The following TOP6BL variants were observed in gnomAD, a reference collection of about 807,000 sequenced individuals.
The protein encoded by TOP6BL is TOP6B like initiator of meiotic double strand breaks.
the TOP6BL span, chr11:66,843,151 G>A: frequency 1.9e-6 from 3 of 1,610,482 alleles, no homozygotes; most frequent in Non-Finnish European, 2.5e-6. Context: ...CTCACCCCGG[G>A]CCCCCTTGTT....
the TOP6BL span, among the ~76,000 whole-genome samples, chr11:66,820,033 C>T: frequency 6.6e-6 from 1 of 151,902 alleles, no homozygotes. Context: ...GAGCCAAGAT[C>T]GTGTCACTGC....
chr11:66,824,685 G>A, the TOP6BL span, among the ~76,000 whole-genome samples: 1 of 145,834 alleles, frequency 6.9e-6, no homozygotes, highest in Non-Finnish European at 1.5e-5. Context: ...TTATGAGTGA[G>A]AACATGTGGT....
At chr11:66,754,751 G>C in the TOP6BL span, among the ~76,000 whole-genome samples, 1 of 152,108 alleles carries the variant, frequency 6.6e-6, no homozygotes. Flanking sequence ...TCAGCATTCA[G>C]GGGTTCTGTT....
the TOP6BL span, among the ~76,000 whole-genome samples, chr11:66,803,489 C>T: frequency 3.3e-5 from 5 of 152,108 alleles, no homozygotes; most frequent in Non-Finnish European, 5.9e-5. Flanking sequence ...AGTGCAGTGG[C>T]GCAATATCAG....
chr11:66,758,947 C>T, the TOP6BL span: 1 of 767,254 alleles, frequency 1.3e-6, no homozygotes, highest in Non-Finnish European at 2.0e-6. Context: ...TTTAAATGTT[C>T]TGTGTCTGTA....
chr11:66,835,113 G>T, the TOP6BL span, among the ~76,000 whole-genome samples: 1 of 152,072 alleles, frequency 6.6e-6, no homozygotes, highest in Non-Finnish European at 1.5e-5. Context: ...GTCTTATCTG[G>T]GGGACCAGGT....
chr11:66,799,207 CAAAAAA>C, the TOP6BL span, among the ~76,000 whole-genome samples: 8 of 41,892 alleles, frequency 1.9e-4, no homozygotes, highest in South Asian at 2.6e-3. Context: ...ACTCTGTCTC[CAAAAAA>C]AAAAAAAAAA....
chr11:66,816,043 T>C, the TOP6BL span: 1 of 1,587,456 alleles, frequency 6.3e-7, no homozygotes. Flanking sequence ...TGTAATATCT[T>C]GTCCTCTAGA....
the TOP6BL span, among the ~76,000 whole-genome samples, chr11:66,774,464 T>C: frequency 6.6e-6 from 1 of 152,138 alleles, no homozygotes; most frequent in Non-Finnish European, 1.5e-5. Context: ...TTGTTTTGTT[T>C]TGTGCTTTTG....
chr11:66,747,394 A>ATT, the TOP6BL span, among the ~76,000 whole-genome samples: 11 of 141,838 alleles, frequency 7.8e-5, no homozygotes, highest in African/African-American at 2.3e-4. Context: ...TTTTTATTTA[A>ATT]TTTTTTTTTT....
the TOP6BL span, among the ~76,000 whole-genome samples, chr11:66,777,161 A>T: frequency 6.6e-6 from 1 of 151,050 alleles, no homozygotes; most frequent in Non-Finnish European, 1.5e-5. Flanking sequence ...TAACATAAGC[A>T]TTTTTCATGT....
the TOP6BL span, among the ~76,000 whole-genome samples, chr11:66,795,258 A>G: frequency 6.0e-4 from 91 of 151,658 alleles, no homozygotes; most frequent in Non-Finnish European, 8.8e-4. Flanking sequence ...TCAATGAGTG[A>G]TATCTATTAT....
the TOP6BL span, among the ~76,000 whole-genome samples, chr11:66,784,333 A>AT: frequency 6.6e-6 from 1 of 150,636 alleles, no homozygotes; most frequent in Admixed American, 6.6e-5. Context: ...GCACCCTGCC[A>AT]TTTTTTTGTA....
At chr11:66,756,331 T>C in the TOP6BL span, 1,795 of 1,197,442 alleles carry the variant, frequency 1.5e-3, 20 homozygotes, top group African/African-American at 0.018. Context: ...AACCCCCTTT[T>C]CCCCCCTTTT....
chr11:66,842,277 C>T, the TOP6BL span, among the ~76,000 whole-genome samples: 2 of 152,206 alleles, frequency 1.3e-5, no homozygotes, highest in Admixed American at 6.5e-5. Flanking sequence ...CGGCTTCCTT[C>T]TCTATTCTAA....
the TOP6BL span, chr11:66,822,468 A>G: frequency 1.3e-6 from 1 of 744,948 alleles, no homozygotes; most frequent in Non-Finnish European, 2.3e-6. Context: ...GAATTGTTGA[A>G]ATCCTGCTCT....
At chr11:66,778,002 A>G in the TOP6BL span, among the ~76,000 whole-genome samples, 18 of 152,314 alleles carry the variant, frequency 1.2e-4, no homozygotes, top group South Asian at 2.1e-4. Context: ...GAGATGGTTA[A>G]AAGTTTTAAT....
the TOP6BL span, chr11:66,761,743 G>A: frequency 1.3e-6 from 1 of 782,560 alleles, no homozygotes; most frequent in Non-Finnish European, 2.3e-6. Context: ...GGGAATCTGT[G>A]TTGAGTGTAT....
chr11:66,840,443 T>A, the TOP6BL span, among the ~76,000 whole-genome samples: 1 of 152,188 alleles, frequency 6.6e-6, no homozygotes, highest in South Asian at 2.1e-4. Context: ...CCTGCTTGCA[T>A]CAGTTATCAC....
Sources: allele counts gnomAD v4.1 joint callset (sites outside exome capture counted in the v4.1 genomes callset), GRCh38; gene constraint gnomAD v4.1.1; transcripts MANE v1.5; gene names NCBI Gene and HGNC (gene_info 2026-07-23, HGNC 2026-07-21).